Variants in COMMD2 observed in about 807,000 individuals in gnomAD.
COMMD2 encodes COMM domain-containing protein 2.
Under a neutral mutation model 22.5 loss-of-function variants are expected in COMMD2, and 25 were observed. That is an observed-to-expected ratio of 1.11 (90% CI 0.81 to 1.55). The LOEUF is 1.55. COMMD2 is among the 40% of genes most tolerant of loss of function. COMMD2 has a pLI of 0.00. For missense variants in COMMD2, 223 were observed against 232.9 expected, an observed-to-expected ratio of 0.96 and a Z score of 0.28; for synonymous variants, 98 against 91.2, an observed-to-expected ratio of 1.07 and a Z score of -0.42.
intron 4 of COMMD2, among the ~76,000 whole-genome samples, chr3:149,749,007 T>C (rs977509995): frequency 6.6e-6 from 1 of 152,036 alleles, no homozygotes; most frequent in Non-Finnish European, 1.5e-5. Flanking sequence ...TTAATGTTAC[T>C]GTCTCTCTCT....
intron 4 of COMMD2, among the ~76,000 whole-genome samples, chr3:149,746,559 C>T (rs762279813): frequency 1.3e-5 from 2 of 150,134 alleles, no homozygotes; most frequent in African/African-American, 4.9e-5. Context: ...ATCACAAGAT[C>T]AGGAGATCGA....
rs1716558556 is a variant in COMMD2 at position 149,752,385 on chromosome 3, G to A, written c.60C>T (p.Asp20=). Residue 20 remains aspartate (D), a synonymous_variant, in exon 1 of 5, where the codon GAC becomes GAT. Transcript: ENST00000473414. Reference sequence around the variant, plus strand: ...GCCCCCACGCCCGCTGACCCGCGCTGTCCACTTGAGGCAGGAAGGCCAGGT... The same window carrying A: ...GCCCCCACGCCCGCTGACCCGCGCTATCCACTTGAGGCAGGAAGGCCAGGT... ...KEHLAFLPQV[D]SAVVAEFGRI... 1.2e-6 allele frequency: 2 copies of A among 1,614,138 alleles called. No homozygotes were observed. The highest frequency in any genetic ancestry group is 3.3e-5 in the Admixed American group (2 of 60,018).
intron 2 of COMMD2, chr3:149,751,895 C>T (rs1352395440): frequency 3.2e-6 from 1 of 315,120 alleles, no homozygotes; most frequent in East Asian, 5.3e-5. Context: ...CAAATACTTG[C>T]AATTTACAGT....
Position 149,738,565 on chromosome 3 carries a change from G to GTCAATGTGGTAGGTAATCC in COMMD2, c.*2937_*2955dup, listed in dbSNP as rs1716122233. On this transcript the variant is annotated 3_prime_UTR_variant, in exon 5 of 5. Coordinates refer to ENST00000473414, the MANE Select transcript of COMMD2 (RefSeq NM_016094.4). ...ACATGGTCTCATATAGTCCTTACGA[G>GTCAATGTGGTAGGTAATCC]TCAATGTGGTAGGTAATCCTATATT... 1 of 151,946 alleles carries GTCAATGTGGTAGGTAATCC rather than the reference G, an allele frequency of 6.6e-6. No individual in the cohort carries two copies. The highest frequency in any genetic ancestry group is 1.9e-4 in the East Asian group (1 of 5,192). 9.4% of individuals were successfully genotyped at this position (151,946 alleles called of 1,614,324 possible).
chr3:149,747,102 G>A (rs1716395509), intron 4 of COMMD2, among the ~76,000 whole-genome samples: 1 of 152,208 alleles, frequency 6.6e-6, no homozygotes, highest in South Asian at 2.1e-4. Flanking sequence ...GTATCAGTGG[G>A]TAAGAAAGGT....
At chr3:149,748,625 A>G (rs1716442178) in intron 4 of COMMD2, among the ~76,000 whole-genome samples, 1 of 152,260 alleles carries the variant, frequency 6.6e-6, no homozygotes, top group Admixed American at 6.5e-5. Context: ...CTTTCTATAA[A>G]GAACGAGATA....
chr3:149,751,432 A>C lies in COMMD2; in HGVS notation c.199T>G (p.Tyr67Asp). 1.2e-6 allele frequency: 2 copies of C among 1,614,132 alleles called. No individual in the cohort carries two copies. The highest frequency in any genetic ancestry group is 3.3e-5 in the Admixed American group (2 of 60,028). Residue 67 changes from tyrosine to aspartate, a missense_variant, in exon 3 of 5, where the codon TAT (tyrosine) becomes GAT (aspartate). Physicochemically the swap from Tyr to Asp is radical, Grantham distance 160. Transcript: ENST00000473414. Reference sequence around the variant, plus strand: ...AGCTTTGAGCTCTCAGTGAGGAGATACGTTAATCCTTCCACACCATGCTGG... The same window carrying C: ...AGCTTTGAGCTCTCAGTGAGGAGATCCGTTAATCCTTCCACACCATGCTGG... ...TVQHGVEGLTYLLTESSKLMI... is the reference protein window; with the variant it reads ...TVQHGVEGLTDLLTESSKLMI...
intron 4 of COMMD2, among the ~76,000 whole-genome samples, chr3:149,744,218 A>G (rs1310233888): frequency 6.6e-6 from 1 of 152,198 alleles, no homozygotes; most frequent in East Asian, 1.9e-4. Context: ...AAAGAAAAAA[A>G]TGTTTACTCT....
At chr3:149,752,315 G>A in intron 1 of COMMD2, 28 bp from the exon 2 acceptor site, 1 of 1,613,934 alleles carries the variant, frequency 6.2e-7, no homozygotes, top group Non-Finnish European at 8.5e-7. Flanking sequence ...AGGCTGTTGA[G>A]TGCCAGGCGC....
At chr3:149,744,875 TC>T (rs1716325051) in intron 4 of COMMD2, among the ~76,000 whole-genome samples, 1 of 152,202 alleles carries the variant, frequency 6.6e-6, no homozygotes, top group South Asian at 2.1e-4. Flanking sequence ...ACTGTACTAG[TC>T]CTAGCAATAG....
rs1409898913 is a variant in COMMD2 at position 149,752,449 on chromosome 3, A to G, written c.-5T>C. On this transcript the variant is annotated 5_prime_UTR_variant, in exon 1 of 5. Transcript: ENST00000473414. The stretch of plus-strand genomic sequence containing the variant: ...CTCGGACAATTCCAGCAGCATCTTC[A>G]CTGTCCTACGATTTCACCCGGCAGC... The G allele has an allele frequency of 1.7e-5, 28 of 1,612,140 alleles. No individual in the cohort carries two copies. Among genetic ancestry groups the G allele is most frequent in the African/African-American group, 4.0e-5 (3 of 74,874 alleles).
At chr3:149,747,277 T>C (rs992210994) in intron 4 of COMMD2, among the ~76,000 whole-genome samples, 2 of 152,192 alleles carry the variant, frequency 1.3e-5, no homozygotes, top group Non-Finnish European at 2.9e-5. Flanking sequence ...AGACTTCAAA[T>C]TGGATGAAAC....
At chr3:149,743,880 CTT>C (rs985072633) in intron 4 of COMMD2, among the ~76,000 whole-genome samples, 2 of 152,246 alleles carry the variant, frequency 1.3e-5, no homozygotes, top group South Asian at 4.1e-4. Flanking sequence ...TAAGCCATGA[CTT>C]TTTTGTTGAA....
In COMMD2 at chr3:149,741,460, T is replaced by C. The variant is rs1716220953; in HGVS notation, c.*61A>G. The C allele has an allele frequency of 7.0e-6, 9 of 1,280,472 alleles. No homozygotes were observed. Among genetic ancestry groups the C allele is most frequent in the Admixed American group, 1.7e-5 (1 of 58,622 alleles). 79.3% of individuals were successfully genotyped at this position (1,280,472 alleles called of 1,614,324 possible). On this transcript the variant is annotated 3_prime_UTR_variant, in exon 5 of 5. Coordinates refer to ENST00000473414, the MANE Select transcript of COMMD2 (RefSeq NM_016094.4). ...TTAATAAAAAATTAATTTTGAAAAG[T>C]AATTGCTGTATATCATCAATTCATA...
intron 4 of COMMD2, 24 bp from the exon 5 acceptor site, chr3:149,741,742 C>G: frequency 6.5e-7 from 1 of 1,542,642 alleles, no homozygotes; most frequent in South Asian, 1.1e-5. Context: ...GAAATAAGAG[C>G]ACAGTAACTA....
chr3:149,751,078 T>C (rs1437569787), intron 3 of COMMD2, among the ~76,000 whole-genome samples: 1 of 152,152 alleles, frequency 6.6e-6, no homozygotes, highest in African/African-American at 2.4e-5. Context: ...TCCCTTCCTG[T>C]CCTTCATCAA....
At chr3:149,742,697 G>A (rs1553739468) in intron 4 of COMMD2, among the ~76,000 whole-genome samples, 1 of 152,070 alleles carries the variant, frequency 6.6e-6, no homozygotes, top group African/African-American at 2.4e-5. Context: ...GGCTAGGCAC[G>A]GTGGCTCACG....
rs1371703990 is a variant in COMMD2, at chr3:149,752,228, T to A, written c.127A>T (p.Ile43Phe). The stretch of plus-strand genomic sequence containing the variant: ...TTCTTACTGGCGGCGCCTTCGTAGA[T>A]TTTTGGGTTTGCGCCGCGTCTCAGG... ...EFLRRGANPK[I>F]YEGAARKLNV... Residue 43 changes from isoleucine to phenylalanine, a missense_variant, in exon 2 of 5, where the codon ATC (isoleucine) becomes TTC (phenylalanine). Coordinates refer to ENST00000473414, the MANE Select transcript of COMMD2 (RefSeq NM_016094.4). The A allele has an allele frequency of 6.2e-7, 1 of 1,613,974 alleles. No homozygotes were observed. Among genetic ancestry groups the A allele is most frequent in the South Asian group, 1.1e-5 (1 of 91,060 alleles).
chr3:149,747,535 C>CTTGA (rs1453196346), intron 4 of COMMD2, among the ~76,000 whole-genome samples: 2 of 152,204 alleles, frequency 1.3e-5, no homozygotes, highest in African/African-American at 4.8e-5. Context: ...AAGCCATGAC[C>CTTGA]TTGAGTAAGT....
Sources: gnomAD v4.1 joint callset for allele counts (sites outside exome capture counted in the v4.1 genomes callset) on GRCh38, gnomAD v4.1.1 for gene constraint, MANE v1.5 for transcripts, NCBI Gene and HGNC (gene_info 2026-07-23, HGNC 2026-07-21) for gene names.